Variants in NAALADL2 observed in about 807,000 individuals in gnomAD.
NAALADL2 encodes the protein N-acetylated alpha-linked acidic dipeptidase like 2, also known as inactive N-acetylated-alpha-linked acidic dipeptidase-like protein 2.
Under a neutral mutation model 87.2 loss-of-function variants are expected in NAALADL2, and 76 were observed. That is an observed-to-expected ratio of 0.87 (90% CI 0.72 to 1.05). NAALADL2 has a LOEUF of 1.05. NAALADL2 is among the 50% of genes least tolerant of loss of function. The pLI is 0.00. For missense variants in NAALADL2, 1,089 were observed against 945.8 expected (o/e 1.15, Z -1.99); for synonymous variants, 354 against 331.0 (o/e 1.07, Z -0.75).
intron 3 of NAALADL2, among the ~76,000 whole-genome samples, chr3:174,790,591 T>C (rs866001189): frequency 6.6e-6 from 1 of 151,438 alleles, no homozygotes; most frequent in East Asian, 1.9e-4. Context: ...GAGGTTGCAA[T>C]GTGCCAAGAT....
intron 2 of NAALADL2, among the ~76,000 whole-genome samples, chr3:174,723,561 C>T (rs1157496200): frequency 1.3e-5 from 2 of 151,868 alleles, no homozygotes; most frequent in African/African-American, 4.8e-5. Context: ...CCAGACCATC[C>T]TGGCTAACAT....
chr3:174,746,116 A>G (rs575194329), intron 3 of NAALADL2, among the ~76,000 whole-genome samples: 2 of 152,158 alleles, frequency 1.3e-5, no homozygotes, highest in Non-Finnish European at 2.9e-5. Flanking sequence ...AGGGTATTCA[A>G]ATTGGAAGAG....
At chr3:175,045,803 A>G (rs967783531) in intron 1 of NAALADL2, among the ~76,000 whole-genome samples, 10 of 152,142 alleles carry the variant, frequency 6.6e-5, no homozygotes, top group African/African-American at 2.4e-4. Context: ...CTCCAGAGAT[A>G]AACACTATGT....
intron 3 of NAALADL2, among the ~76,000 whole-genome samples, chr3:174,813,883 T>G (rs1301940926): frequency 6.6e-6 from 1 of 152,058 alleles, no homozygotes; most frequent in East Asian, 1.9e-4. Context: ...TCTCAAACTT[T>G]TATGCATGTA....
intron 3 of NAALADL2, among the ~76,000 whole-genome samples, chr3:174,761,189 T>A (rs1453667980): frequency 6.6e-6 from 1 of 152,174 alleles, no homozygotes; most frequent in Non-Finnish European, 1.5e-5. Flanking sequence ...TATTTCCGAG[T>A]GCCTAGCAGT....
chr3:175,340,830 A>C (rs954441132), intron 5 of NAALADL2, among the ~76,000 whole-genome samples: 3 of 152,172 alleles, frequency 2.0e-5, no homozygotes, highest in Non-Finnish European at 4.4e-5. Context: ...AGACAAAACA[A>C]AGAGTCCCTC....
At chr3:175,564,938 CA>C (rs1161764008) in intron 9 of NAALADL2, among the ~76,000 whole-genome samples, 1 of 152,224 alleles carries the variant, frequency 6.6e-6, no homozygotes, top group African/African-American at 2.4e-5. Context: ...TGACCAATAT[CA>C]AACCTGCTAA....
rs546893311 is a variant in NAALADL2 at position 175,148,815 on chromosome 3, A to G, written c.545+51524A>G. ...CATTGGTCTATGTGTCTCTTTTTGT[A>G]CCAGTACCATTCTGTTTTGTTTGCT... On this transcript the variant is annotated intron_variant, in intron 2 of 13. Transcript: ENST00000454872. 5.3e-5 allele frequency among the ~76,000 whole-genome samples: 8 copies of G among 152,150 alleles called. No individual in the cohort carries two copies. In the South Asian group the frequency reaches 1.7e-3, roughly 32 times the overall value.
intron 1 of NAALADL2, among the ~76,000 whole-genome samples, chr3:175,014,194 G>A (rs1237297290): frequency 6.6e-6 from 1 of 152,046 alleles, no homozygotes; most frequent in Non-Finnish European, 1.5e-5. Context: ...CACAGGACAG[G>A]TATGCCGTCA....
At chr3:174,687,094 G>A (rs1321451567) in intron 2 of NAALADL2, among the ~76,000 whole-genome samples, 3 of 151,904 alleles carry the variant, frequency 2.0e-5, no homozygotes, top group African/African-American at 7.3e-5. Flanking sequence ...CTGTACAATG[G>A]AATAGCTGCC....
chr3:175,613,781 A>C (rs1724974660), intron 10 of NAALADL2, among the ~76,000 whole-genome samples: 1 of 152,202 alleles, frequency 6.6e-6, no homozygotes, highest in South Asian at 2.1e-4. Context: ...CATTTACTTC[A>C]CAGGATTTTT....
intron 1 of NAALADL2, among the ~76,000 whole-genome samples, chr3:174,458,219 T>C (rs1715981547): frequency 1.3e-5 from 2 of 152,316 alleles, no homozygotes; most frequent in African/African-American, 2.4e-5. Flanking sequence ...AAAGATAGCA[T>C]GTGGGAAACT....
intron 7 of NAALADL2, among the ~76,000 whole-genome samples, chr3:175,465,944 A>C (rs796655459): frequency 3.9e-5 from 6 of 152,332 alleles, no homozygotes; most frequent in African/African-American, 1.4e-4. Flanking sequence ...AGCATTGTTC[A>C]AAGTGGCTTA....
chr3:175,083,634 A>T (rs1278280560), intron 1 of NAALADL2, among the ~76,000 whole-genome samples: 1 of 152,178 alleles, frequency 6.6e-6, no homozygotes, highest in African/African-American at 2.4e-5. Flanking sequence ...TTTTATAATT[A>T]AAACTAATAG....
intron 11 of NAALADL2, among the ~76,000 whole-genome samples, chr3:175,730,380 A>G (rs1242700138): frequency 7.7e-6 from 1 of 129,606 alleles, no homozygotes; most frequent in Non-Finnish European, 1.6e-5. Flanking sequence ...GAGTATTTTC[A>G]GAAAACTTAA....
intron 3 of NAALADL2, among the ~76,000 whole-genome samples, chr3:174,827,597 G>C (rs138762924): frequency 1.5e-3 from 225 of 152,282 alleles, no homozygotes; most frequent in African/African-American, 5.2e-3. Context: ...AGTGTCACCT[G>C]ATTAATAACT....
chr3:174,817,972 C>G lies in NAALADL2; in HGVS notation c.-9+80226C>G, dbSNP rs552656104. On this transcript the variant is annotated intron_variant, in intron 3 of 3. Coordinates refer to the NAALADL2 transcript ENST00000434257. ...TTCTATAGTAACTTTATGAACTTCC[C>G]ACAGAAAATTCATATTGCATTTTGT... Among the ~76,000 whole-genome samples the G allele has an allele frequency of 2.0e-5, 3 of 152,232 alleles. No individual in the cohort carries two copies. The East Asian group carries it at 5.8e-4, about 29-fold the overall frequency.
intron 5 of NAALADL2, among the ~76,000 whole-genome samples, chr3:175,379,493 G>A (rs1264801992): frequency 6.7e-6 from 1 of 149,942 alleles, no homozygotes; most frequent in Admixed American, 6.6e-5. Context: ...GTCTCGTATG[G>A]TTTCTGGTAA....
intron 2 of NAALADL2, among the ~76,000 whole-genome samples, chr3:175,110,347 C>A (rs531529946): frequency 5.9e-5 from 9 of 151,624 alleles, no homozygotes; most frequent in Non-Finnish European, 1.3e-4. Context: ...AAAATACAGG[C>A]CATATTAGTG....
Sources: gnomAD v4.1 joint callset for allele counts (sites outside exome capture counted in the v4.1 genomes callset) on GRCh38, gnomAD v4.1.1 for gene constraint, MANE v1.5 for transcripts, NCBI Gene and HGNC (gene_info 2026-07-23, HGNC 2026-07-21) for gene names.